Variants in FOXO3 observed in about 807,000 individuals in gnomAD.
FOXO3 encodes the protein forkhead box protein O3.
FOXO3 carries 4 observed loss-of-function variants against 41.9 expected under a neutral mutation model. That is an observed-to-expected ratio of 0.10 (90% CI 0.05 to 0.22). FOXO3 has a LOEUF of 0.22. Ranked by LOEUF, FOXO3 falls within the 10% of genes least tolerant of loss-of-function variation. The probability of loss-of-function intolerance (pLI) is 1.00; values close to 1 mark genes in which losing one functional copy is unlikely to be tolerated. For missense variants in FOXO3, 534 were observed against 906.8 expected (o/e 0.59, Z 5.28); for synonymous variants, 318 against 389.3 (o/e 0.82, Z 2.16).
intron 1 of FOXO3, among the ~76,000 whole-genome samples, chr6:108,588,847 T>G (rs550563953): frequency 6.6e-6 from 1 of 152,294 alleles, no homozygotes; most frequent in Non-Finnish European, 1.5e-5. Context: ...TTTCTGCAAC[T>G]AGACAAAAAA....
At chr6:108,653,186 G>A (rs193192611) in intron 1 of FOXO3, among the ~76,000 whole-genome samples, 1 of 152,232 alleles carries the variant, frequency 6.6e-6, no homozygotes, top group Admixed American at 6.5e-5. Context: ...ACATTCTTTG[G>A]TCTCAATGTT....
intron 1 of FOXO3, among the ~76,000 whole-genome samples, chr6:108,601,809 C>G (rs1777063756): frequency 6.6e-6 from 1 of 152,182 alleles, no homozygotes; most frequent in South Asian, 2.1e-4. Flanking sequence ...AGTTGTTACA[C>G]ATCTCAGTAG....
intron 1 of FOXO3, among the ~76,000 whole-genome samples, chr6:108,630,999 A>G (rs756596173): frequency 2.6e-5 from 4 of 152,176 alleles, no homozygotes; most frequent in South Asian, 2.1e-4. Context: ...TTTAACATGT[A>G]TAAATGTCTA....
intron 1 of FOXO3, among the ~76,000 whole-genome samples, chr6:108,602,374 C>T (rs1048697025): frequency 2.0e-5 from 3 of 152,108 alleles, no homozygotes; most frequent in African/African-American, 7.2e-5. Context: ...TTCTGCCATA[C>T]GCCTGTAGCA....
At chr6:108,571,640 C>T (rs1399912451) in intron 1 of FOXO3, among the ~76,000 whole-genome samples, 1 of 152,136 alleles carries the variant, frequency 6.6e-6, no homozygotes, top group Non-Finnish European at 1.5e-5. Context: ...CAAGGATTGC[C>T]AGGAGCCGCC....
At chr6:108,606,193 T>C (rs1777195373) in intron 1 of FOXO3, among the ~76,000 whole-genome samples, 1 of 152,188 alleles carries the variant, frequency 6.6e-6, no homozygotes, top group African/African-American at 2.4e-5. Context: ...CAGAACCTCT[T>C]CCCTGTTGTA....
chr6:108,666,203 A>G (rs993623190), intron 2 of FOXO3, among the ~76,000 whole-genome samples: 3 of 152,172 alleles, frequency 2.0e-5, no homozygotes, highest in Non-Finnish European at 2.9e-5. Context: ...GCACTAAAGC[A>G]TGTGAAACTG....
chr6:108,606,343 A>G (rs1434843857), intron 1 of FOXO3, among the ~76,000 whole-genome samples: 2 of 152,074 alleles, frequency 1.3e-5, no homozygotes, highest in African/African-American at 4.8e-5. Flanking sequence ...ACCCTTCCCA[A>G]GGGCGGTTTG....
chr6:108,595,058 A>C (rs902973345), intron 1 of FOXO3, among the ~76,000 whole-genome samples: 1 of 152,086 alleles, frequency 6.6e-6, no homozygotes, highest in Non-Finnish European at 1.5e-5. Context: ...TTATCCTCCT[A>C]ATATTAATGT....
intron 1 of FOXO3, among the ~76,000 whole-genome samples, chr6:108,642,255 A>C (rs1778281490): frequency 6.6e-6 from 1 of 151,950 alleles, no homozygotes; most frequent in African/African-American, 2.4e-5. Flanking sequence ...TGCTTGGCTA[A>C]TTTTCAAAAT....
chr6:108,643,949 T>A (rs964904193), intron 1 of FOXO3, among the ~76,000 whole-genome samples: 9 of 152,336 alleles, frequency 5.9e-5, no homozygotes, highest in African/African-American at 2.2e-4. Context: ...ATAGTAAGTA[T>A]TTTTGCAAGA....
intron 1 of FOXO3, among the ~76,000 whole-genome samples, chr6:108,594,269 G>A (rs1582757499): frequency 6.6e-6 from 1 of 152,138 alleles, no homozygotes; most frequent in African/African-American, 2.4e-5. Flanking sequence ...ATGAAAACGG[G>A]TTAATAACTT....
chr6:108,648,891 G>A (rs1389234114), intron 1 of FOXO3, among the ~76,000 whole-genome samples: 1 of 151,552 alleles, frequency 6.6e-6, no homozygotes, highest in African/African-American at 2.4e-5. Context: ...CAGCTTCTCA[G>A]GAAGCTGAGG....
chr6:108,560,995 G>GA lies in FOXO3; in HGVS notation c.-213dup. On this transcript the variant is annotated 5_prime_UTR_variant, in exon 1 of 3. Transcript: ENST00000406360. ...TGGGAGGCGGGCGCGGCAGGACTGGGAGGTGGCGGCAGCGGGCGAGGACTC... is the reference window on the plus strand; with the variant it reads ...TGGGAGGCGGGCGCGGCAGGACTGGGAAGGTGGCGGCAGCGGGCGAGGACTC... 7.3e-7 allele frequency: 1 copy of GA among 1,366,484 alleles called. No individual in the cohort carries two copies. The highest frequency in any genetic ancestry group is 1.8e-5 in the South Asian group (1 of 56,072). The allele number at this position is 1,366,484 out of a possible 1,614,324, so 84.6% of individuals were successfully genotyped here.
intron 1 of FOXO3, among the ~76,000 whole-genome samples, chr6:108,646,227 C>T (rs538077682): frequency 6.6e-6 from 1 of 152,314 alleles, no homozygotes; most frequent in East Asian, 1.9e-4. Flanking sequence ...AACTCTTCCA[C>T]TTCCATGTCA....
chr6:108,588,830 G>C (rs530533352), intron 1 of FOXO3, among the ~76,000 whole-genome samples: 82 of 152,220 alleles, frequency 5.4e-4, no homozygotes, highest in African/African-American at 1.5e-3. Flanking sequence ...TGCTGTGCTG[G>C]GATTATTTTC....
intron 1 of FOXO3, among the ~76,000 whole-genome samples, chr6:108,592,466 G>C (rs748332085): frequency 1.3e-5 from 2 of 152,182 alleles, no homozygotes; most frequent in Non-Finnish European, 2.9e-5. Flanking sequence ...AGGAGACTTT[G>C]CATCTCATCT....
intron 1 of FOXO3, among the ~76,000 whole-genome samples, chr6:108,579,409 G>A (rs1776349526): frequency 6.6e-6 from 1 of 152,168 alleles, no homozygotes; most frequent in Non-Finnish European, 1.5e-5. Flanking sequence ...GCTGCACTGA[G>A]GGACTTCTGT....
intron 1 of FOXO3, among the ~76,000 whole-genome samples, chr6:108,647,269 T>A (rs1778418535): frequency 6.6e-6 from 1 of 152,206 alleles, no homozygotes; most frequent in African/African-American, 2.4e-5. Flanking sequence ...AAAAATTGAT[T>A]ACTTGCAAGT....
Sources: allele counts gnomAD v4.1 joint callset (sites outside exome capture counted in the v4.1 genomes callset), GRCh38; gene constraint gnomAD v4.1.1; transcripts MANE v1.5; gene names NCBI Gene and HGNC (gene_info 2026-07-23, HGNC 2026-07-21).